The following ESPN variants were observed in gnomAD, a reference collection of about 807,000 sequenced individuals.
ESPN encodes espin.
ESPN carries 68 observed loss-of-function variants against 77.7 expected under a neutral mutation model. That is an observed-to-expected ratio of 0.87 (90% CI 0.72 to 1.07). The LOEUF (loss-of-function observed/expected upper bound fraction) is 1.07. Among genes scored for constraint, ESPN ranks in the 50% least tolerant of loss-of-function variants. The probability of loss-of-function intolerance (pLI) is 0.00; values close to 1 mark genes in which losing one functional copy is unlikely to be tolerated. For missense variants in ESPN, 1,060 were observed against 1,239.0 expected, an observed-to-expected ratio of 0.86 and a Z score of 2.17; for synonymous variants, 449 against 567.1, an observed-to-expected ratio of 0.79 and a Z score of 2.96.
At position 6,440,925 on chromosome 1, in the gene ESPN, C is replaced by G. The variant is rs1367959897; in HGVS notation, c.859-9C>G. 1 of 1,564,420 alleles carries G rather than the reference C, an allele frequency of 6.4e-7. No homozygotes were observed. The highest frequency in any genetic ancestry group is 1.4e-5 in the African/African-American group (1 of 73,736). On this transcript the variant is annotated splice_polypyrimidine_tract_variant and intron_variant, in intron 4 of 12. Transcript: ENST00000645284. ...GCCGCGGCCGGGTCCTCACTGCGTG[C>G]CCCCGCAGTGCTGCCAGATCCTGGT...
Position 6,447,660 on chromosome 1 carries a change from C to T in ESPN, c.1465-981C>T, listed in dbSNP as rs1643874463. Among the ~76,000 whole-genome samples the T allele has an allele frequency of 6.6e-6, 1 of 152,124 alleles. No individual in the cohort carries two copies. Among genetic ancestry groups the T allele is most frequent in the African/African-American group, 2.4e-5 (1 of 41,420 alleles). ...ACCCCGCCTTACGGCCCCTGAAATC[C>T]GAGGCTTGAGCGCGGGTGTCGGTGT... On this transcript the variant is annotated intron_variant, in intron 7 of 12. Transcript: ENST00000645284. This position sits in a 1 kb window ranked among gnomAD's most constrained non-coding sequence, Gnocchi z 5.2.
Position 6,450,783 on chromosome 1 carries a change from G to A in ESPN, c.1916-820G>A, listed in dbSNP as rs1643930613. ...CTGTGACTGCATTCTGGGATCCCCAGCCTGGGAATCCAAGAGCTGTCGGCC... is the reference window on the plus strand; with the variant it reads ...CTGTGACTGCATTCTGGGATCCCCAACCTGGGAATCCAAGAGCTGTCGGCC... On this transcript the variant is annotated intron_variant, in intron 8 of 12. Coordinates refer to ENST00000645284, the MANE Select transcript of ESPN (RefSeq NM_031475.3). The surrounding 1 kb of genome is among the most constrained non-coding windows in gnomAD (Gnocchi z 4.3). 1.3e-5 allele frequency among the ~76,000 whole-genome samples: 2 copies of A among 149,690 alleles called. No individual in the cohort carries two copies. Among genetic ancestry groups the A allele is most frequent in the African/African-American group, 2.5e-5 (1 of 40,564 alleles).
At chr1:6,453,221 A>G (rs1012679274) in intron 10 of ESPN, among the ~76,000 whole-genome samples, 9 of 152,308 alleles carry the variant, frequency 5.9e-5, no homozygotes, top group African/African-American at 1.4e-4. Flanking sequence ...TGCCCCACAC[A>G]CTGTTGTAGC....
intron 10 of ESPN, among the ~76,000 whole-genome samples, chr1:6,452,897 A>ATTTTTTTTTTTTTTT (rs1350694225): frequency 7.2e-6 from 1 of 138,724 alleles, no homozygotes; most frequent in South Asian, 2.1e-4. Context: ...ATTTATTTTT[A>ATTTTTTTTTTTTTTT]TTTTTTATTT....
chr1:6,424,889 C>G lies in ESPN; in HGVS notation c.-67C>G. ...CCGCACCGCGGGCTCCTCTGGCCCG[C>G]AAGAACACGTGCATGGCGTCCTGGG... is the stretch of plus-strand genomic sequence containing the variant. On this transcript the variant is annotated 5_prime_UTR_variant, in exon 1 of 13. Transcript: ENST00000645284. 1.5e-6 allele frequency: 2 copies of G among 1,350,906 alleles called. No homozygotes were observed. The highest frequency in any genetic ancestry group is 1.7e-5 in the South Asian group (1 of 58,890). 83.7% of individuals were successfully genotyped at this position (1,350,906 alleles called of 1,614,324 possible).
chr1:6,455,762 C>T (rs1644043952), intron 10 of ESPN: 3 of 398,902 alleles, frequency 7.5e-6, no homozygotes, highest in Non-Finnish European at 1.3e-5. Context: ...CGTGGGAGCG[C>T]ATCCGCCTCT....
chr1:6,436,240 C>A (rs1340100152), intron 2 of ESPN, among the ~76,000 whole-genome samples: 1 of 152,134 alleles, frequency 6.6e-6, no homozygotes, highest in Non-Finnish European at 1.5e-5. Flanking sequence ...CAAATTGGGG[C>A]TCTGCCTCTT....
intron 2 of ESPN, among the ~76,000 whole-genome samples, chr1:6,439,278 G>A (rs1306279198): frequency 6.6e-6 from 1 of 152,186 alleles, no homozygotes; most frequent in Admixed American, 6.5e-5. Flanking sequence ...AGATAAACAA[G>A]CTGTACTTTA....
In ESPN at chr1:6,459,150, A is replaced by C. The variant is rs180719071; in HGVS notation, c.2418-849A>C. ...CAGCTACTCAGAAGGCTGAGGCAGG[A>C]AAATCACTTGAAACTGGGAGGTGGA... On this transcript the variant is annotated intron_variant, in intron 12 of 12. Coordinates refer to ENST00000645284, the MANE Select transcript of ESPN (RefSeq NM_031475.3). Among the ~76,000 whole-genome samples the C allele has an allele frequency of 4.7e-3, 715 of 152,244 alleles. 6 individuals carry two copies. The highest frequency in any genetic ancestry group is 0.031 in the Middle Eastern group (9 of 294).
At chr1:6,440,222 G>C in intron 2 of ESPN, 32 bp from the exon 3 acceptor site, 4 of 1,545,360 alleles carry the variant, frequency 2.6e-6, no homozygotes, top group South Asian at 2.4e-5. Context: ...GTGAGGCGCT[G>C]AAAGCCCACG....
At chr1:6,445,459 T>G (rs1643793825) in intron 6 of ESPN, 1 of 655,400 alleles carries the variant, frequency 1.5e-6, no homozygotes, top group African/African-American at 1.8e-5. Flanking sequence ...GTGCCTGGTC[T>G]TCCCCCAGTA....
intron 10 of ESPN, chr1:6,456,007 A>AGCC (rs1303952750): frequency 7.3e-5 from 29 of 397,314 alleles, no homozygotes; most frequent in Non-Finnish European, 1.2e-4. Context: ...CCTGCGCCGC[A>AGCC]GCCGCCGCCG....
rs1643917636 is a variant in ESPN at position 6,450,020 on chromosome 1, A to G, written c.1915+929A>G. ...CCCCAGCCCCTGCAGACCAGAGCCC[A>G]TGTAAGCAAGTCCAGCACCTGCCGA... On this transcript the variant is annotated intron_variant, in intron 8 of 12. Coordinates refer to ENST00000645284, the MANE Select transcript of ESPN (RefSeq NM_031475.3). The surrounding 1 kb of genome is among the most constrained non-coding windows in gnomAD (Gnocchi z 4.3). Among the ~76,000 whole-genome samples the G allele has an allele frequency of 6.6e-6, 1 of 152,136 alleles. No individual in the cohort carries two copies. The highest frequency in any genetic ancestry group is 2.1e-4 in the South Asian group (1 of 4,822).
At chr1:6,457,488 C>T in intron 12 of ESPN, 116 bp downstream of exon 12, 2 of 1,239,680 alleles carry the variant, frequency 1.6e-6, no homozygotes, top group South Asian at 2.5e-5. Context: ...CCTTGTAGCA[C>T]AGCCTCCTTC....
At chr1:6,449,173 C>A in intron 8 of ESPN, 82 bp downstream of exon 8, 1 of 1,321,168 alleles carries the variant, frequency 7.6e-7, no homozygotes, top group Non-Finnish European at 9.9e-7. Flanking sequence ...CCCTCCCCAG[C>A]TGTCACTGCC....
chr1:6,435,070 T>C (rs1280259234), intron 2 of ESPN, among the ~76,000 whole-genome samples: 1 of 151,636 alleles, frequency 6.6e-6, no homozygotes, highest in Admixed American at 6.6e-5. Flanking sequence ...CGGCCTGGGG[T>C]GTAGAACCTT....
At chr1:6,452,274 G>A (rs1643962422) in intron 10 of ESPN, among the ~76,000 whole-genome samples, 178 bp downstream of exon 10, 1 of 151,308 alleles carries the variant, frequency 6.6e-6, no homozygotes, top group Non-Finnish European at 1.5e-5. Flanking sequence ...GTGCGATCTC[G>A]ACTCACTGCA....
chr1:6,451,693 C>T lies in ESPN; in HGVS notation c.2006C>T (p.Pro669Leu), dbSNP rs146261521. The T allele has an allele frequency of 1.1e-4, 182 of 1,613,140 alleles. 1 individual carries two copies. In the Middle Eastern group the frequency reaches 1.2e-3, roughly 10 times the overall value. ...GCAGGCAAGAGCCTGAAGCCGACGC[C>T]CCAGAGCAAGGGGCTGACCACAGTG... ...IKAGKSLKPTPQSKGLTTVFS... is the reference protein window; with the variant it reads ...IKAGKSLKPTLQSKGLTTVFS... Residue 669 changes from proline (P) to leucine (L), a missense_variant, in exon 9 of 13, where the codon CCC (proline) becomes CTC (leucine). By Grantham distance (98) the Pro-to-Leu change is moderately conservative. Transcript: ENST00000645284. This position sits in a 1 kb window ranked among gnomAD's most constrained non-coding sequence, Gnocchi z 4.3.
chr1:6,431,662 CGAAA>C (rs749023955), intron 2 of ESPN, among the ~76,000 whole-genome samples: 10 of 128,932 alleles, frequency 7.8e-5, no homozygotes, highest in Admixed American at 2.4e-4. Flanking sequence ...AAGGAACGAA[CGAAA>C]GAAAGGAAGA....
Sources: gnomAD v4.1 joint callset for allele counts (sites outside exome capture counted in the v4.1 genomes callset) on GRCh38, gnomAD v4.1.1 for gene constraint, Gnocchi (gnomAD v3.1) non-coding constraint, MANE v1.5 for transcripts, NCBI Gene and HGNC (gene_info 2026-07-23, HGNC 2026-07-21) for gene names.